The following PDE10A variants were observed in gnomAD, a reference collection of about 807,000 sequenced individuals.
The protein encoded by PDE10A is phosphodiesterase 10A.
In PDE10A, 39 loss-of-function variants were observed where a neutral mutation model predicts 97.7. The observed-to-expected ratio is 0.40, with a 90% CI of 0.31 to 0.52. The LOEUF (loss-of-function observed/expected upper bound fraction) is 0.52. Ranked by LOEUF, PDE10A falls within the 20% of genes least tolerant of loss-of-function variation. The probability of loss-of-function intolerance (pLI) is 0.56; values close to 1 mark genes in which losing one functional copy is unlikely to be tolerated. For synonymous variants in PDE10A, 371 were observed against 376.8 expected (o/e 0.98, Z 0.18); for missense variants, 731 against 1,047.8 (o/e 0.70, Z 4.17).
At chr6:165,508,307 T>C (rs1781319736) in intron 2 of PDE10A, among the ~76,000 whole-genome samples, 1 of 152,006 alleles carries the variant, frequency 6.6e-6, no homozygotes, top group African/African-American at 2.4e-5. Context: ...ATAAACAGAG[T>C]AGCATAGTAC....
chr6:165,458,851 T>C (rs2128256126), intron 3 of PDE10A, among the ~76,000 whole-genome samples: 2 of 152,190 alleles, frequency 1.3e-5, no homozygotes, highest in South Asian at 4.1e-4. Flanking sequence ...TCTACAGCAA[T>C]ATTAGCTAAA....
intron 3 of PDE10A, among the ~76,000 whole-genome samples, chr6:165,457,540 G>A (rs1262719897): frequency 6.6e-6 from 1 of 152,052 alleles, no homozygotes; most frequent in Non-Finnish European, 1.5e-5. Flanking sequence ...AGCTAACATT[G>A]TCAAGCTATA....
intron 1 of PDE10A, among the ~76,000 whole-genome samples, chr6:165,769,706 C>T (rs977722918): frequency 6.6e-5 from 10 of 152,162 alleles, no homozygotes; most frequent in East Asian, 1.9e-4. Context: ...AAATTGCCCG[C>T]GAACAAAGGC....
At chr6:165,422,922 AG>A (rs1158400954) in intron 10 of PDE10A, among the ~76,000 whole-genome samples, 3 of 152,176 alleles carry the variant, frequency 2.0e-5, no homozygotes, top group South Asian at 2.1e-4. Context: ...ATGTAAGGGT[AG>A]TAGGTAAGAA....
intron 1 of PDE10A, among the ~76,000 whole-genome samples, chr6:165,649,182 G>A (rs1297346215): frequency 6.6e-6 from 1 of 152,166 alleles, no homozygotes; most frequent in Non-Finnish European, 1.5e-5. Flanking sequence ...GAAGATGGAG[G>A]TTTAAAGGTC....
intron 1 of PDE10A, among the ~76,000 whole-genome samples, chr6:165,758,563 GGAAGAA>G (rs754169464): frequency 2.3e-4 from 33 of 146,206 alleles, no homozygotes; most frequent in Admixed American, 4.8e-4. Context: ...AAGAGGAAGA[GGAAGAA>G]GAAGAGGAAG....
chr6:165,856,789 T>C (rs1347438749), intron 1 of PDE10A, among the ~76,000 whole-genome samples: 6 of 152,216 alleles, frequency 3.9e-5, no homozygotes. Context: ...TCATAAATTT[T>C]CTCTGTTTTC....
chr6:165,422,974 T>A (rs561997583), intron 10 of PDE10A, among the ~76,000 whole-genome samples: 2 of 152,284 alleles, frequency 1.3e-5, no homozygotes, highest in South Asian at 4.1e-4. Flanking sequence ...TCATTTATTA[T>A]CTTGTTGGTG....
chr6:165,648,468 C>T (rs1413749504), intron 1 of PDE10A, among the ~76,000 whole-genome samples: 1 of 151,850 alleles, frequency 6.6e-6, no homozygotes, highest in Non-Finnish European at 1.5e-5. Context: ...ATACACGTGC[C>T]CTCTCTGAAG....
At chr6:165,544,110 T>C (rs1783613095) in intron 1 of PDE10A, among the ~76,000 whole-genome samples, 1 of 152,194 alleles carries the variant, frequency 6.6e-6, no homozygotes, top group South Asian at 2.1e-4. Context: ...GCAAGAGTAG[T>C]AAACAGGAAA....
chr6:165,499,694 A>C (rs1015860752), intron 2 of PDE10A, among the ~76,000 whole-genome samples: 4 of 152,244 alleles, frequency 2.6e-5, no homozygotes, highest in African/African-American at 7.2e-5. Context: ...ATGTTGAAAG[A>C]AAACTATATA....
rs866330822 is a variant in PDE10A, at chr6:165,738,178, A to G, written c.-614-194610T>C. ...CCCTCCCCCCTCCCCCCACCCCACA[A>G]CAGTCCCCAGAGTGTGATGTTCCCC... is the stretch of plus-strand genomic sequence containing the variant. On this transcript the variant is annotated intron_variant, in intron 1 of 19. Transcript: ENST00000366882. 2.7e-3 allele frequency among the ~76,000 whole-genome samples: 291 copies of G among 108,938 alleles called. 3 individuals are homozygous for G. In the Middle Eastern group the frequency reaches 0.03, roughly 11 times the overall value. 71.5% of individuals were successfully genotyped at this position (108,938 alleles called of 152,430 possible).
intron 1 of PDE10A, among the ~76,000 whole-genome samples, chr6:165,889,787 A>C (rs1223097281): frequency 6.6e-6 from 1 of 151,830 alleles, no homozygotes; most frequent in Non-Finnish European, 1.5e-5. Context: ...CAAGAGGCTG[A>C]GTACTGCACC....
intron 1 of PDE10A, among the ~76,000 whole-genome samples, chr6:165,902,370 T>A (rs1782137150): frequency 6.6e-6 from 1 of 152,246 alleles, no homozygotes; most frequent in African/African-American, 2.4e-5. Context: ...TGTTTTACTT[T>A]GATCGGTGTT....
At chr6:165,896,344 C>T (rs9457118) in intron 1 of PDE10A, among the ~76,000 whole-genome samples, 70,316 of 151,110 alleles carry the variant, frequency 0.47, 16,567 homozygotes, top group East Asian at 0.66. Flanking sequence ...ATATGTAATA[C>T]ATATTTAGTA....
chr6:165,900,448 A>C (rs1316822660), intron 1 of PDE10A, among the ~76,000 whole-genome samples: 2 of 152,098 alleles, frequency 1.3e-5, no homozygotes, highest in African/African-American at 4.8e-5. Context: ...TTCCAGCCTC[A>C]GTGACAGAGC....
Position 165,661,966 on chromosome 6 carries a change from G to A in PDE10A, c.846C>T (p.Thr282=). ...SNNASCFRRL[T]ECFLSPSLTD... ...ACTTACTGGGGCTCAGGAAGCACTC[G>A]GTCAGCCTTCGGAAGCAGCTCGCAT... Residue 282 remains threonine, a synonymous_variant, in exon 1 of 22, where the codon ACC becomes ACT. Coordinates refer to ENST00000539869, the MANE Select transcript of PDE10A (RefSeq NM_001385079.1). This position sits in a 1 kb window ranked among gnomAD's most constrained non-coding sequence, Gnocchi z 4.8. 1 of 1,175,386 alleles carries A rather than the reference G, an allele frequency of 8.5e-7. No homozygotes were observed. The highest frequency in any genetic ancestry group is 1.3e-5 in the South Asian group (1 of 74,908). The allele number at this position is 1,175,386 out of a possible 1,614,324, so 72.8% of individuals were successfully genotyped here. A position where few individuals can be genotyped will look rare whatever the true frequency, so the allele number is the denominator to read the frequency against.
chr6:165,864,981 T>C (rs1446606288), intron 1 of PDE10A, among the ~76,000 whole-genome samples: 1 of 152,228 alleles, frequency 6.6e-6, no homozygotes, highest in African/African-American at 2.4e-5. Context: ...CTCTTTAAAA[T>C]ATTTTTTCTA....
At chr6:165,614,007 C>G (rs960002704) in intron 1 of PDE10A, among the ~76,000 whole-genome samples, 1 of 152,136 alleles carries the variant, frequency 6.6e-6, no homozygotes, top group Admixed American at 6.5e-5. Flanking sequence ...CAGCCTGGGA[C>G]GCTGCCCTGC....
Sources: gnomAD v4.1 joint callset for allele counts (sites outside exome capture counted in the v4.1 genomes callset) on GRCh38, gnomAD v4.1.1 for gene constraint, Gnocchi (gnomAD v3.1) non-coding constraint, MANE v1.5 for transcripts, NCBI Gene and HGNC (gene_info 2026-07-23, HGNC 2026-07-21) for gene names.